NXPH2: variants seen among roughly 807,000 people sequenced by gnomAD.
NXPH2 encodes the protein neurexophilin-2.
In NXPH2, 5 loss-of-function variants were observed where a neutral mutation model predicts 19.8. The observed-to-expected ratio is 0.25, with a 90% confidence interval of 0.13 to 0.53. The LOEUF is 0.53. Ranked by LOEUF, NXPH2 falls within the 20% of genes least tolerant of loss-of-function variation. NXPH2 has a pLI of 0.96. For missense variants in NXPH2, 289 were observed against 322.8 expected, an observed-to-expected ratio of 0.90 and a Z score of 0.80; for synonymous variants, 154 against 127.4, an observed-to-expected ratio of 1.21 and a Z score of -1.41.
intron 1 of NXPH2, among the ~76,000 whole-genome samples, chr2:138,700,297 A>T (rs1183634702): frequency 6.6e-6 from 1 of 152,200 alleles, no homozygotes; most frequent in Non-Finnish European, 1.5e-5. Flanking sequence ...CCTTTAGGAA[A>T]ATACATATTT....
chr2:138,713,422 G>A (rs530418683), intron 1 of NXPH2, among the ~76,000 whole-genome samples: 2 of 152,214 alleles, frequency 1.3e-5, no homozygotes, highest in Non-Finnish European at 2.9e-5. Flanking sequence ...TAAAAGCCCA[G>A]TGTACTTCAC....
At chr2:138,698,143 A>G (rs1485402186) in intron 1 of NXPH2, among the ~76,000 whole-genome samples, 1 of 152,174 alleles carries the variant, frequency 6.6e-6, no homozygotes, top group Non-Finnish European at 1.5e-5. Context: ...ATACTTTGAT[A>G]AACTGCAAAC....
At chr2:138,693,971 A>G (rs1405381561) in intron 1 of NXPH2, among the ~76,000 whole-genome samples, 1 of 152,204 alleles carries the variant, frequency 6.6e-6, no homozygotes, top group Admixed American at 6.5e-5. Flanking sequence ...TGCAAACATG[A>G]GTAAAACTTG....
rs375136538 is a variant in NXPH2, at chr2:138,671,626, C to T, written c.91G>A (p.Gly31Arg). Residue 31 changes from glycine (G) to arginine (R), a missense_variant, in exon 2 of 2, where the codon GGG becomes AGG. Physicochemically the swap from Gly to Arg is moderately radical, Grantham distance 125. Coordinates refer to ENST00000272641, the MANE Select transcript of NXPH2 (RefSeq NM_007226.3). ...GCATCTTTGTCTTCCCAATCCAGCC[C>T]CTCCGTGGCATGCACCACTTCCTTA... ...DSKEVVHATE[G>R]LDWEDKDAPG... 1 of 1,595,856 alleles carries T rather than the reference C, an allele frequency of 6.3e-7. No individual in the cohort carries two copies. The highest frequency in any genetic ancestry group is 8.5e-7 in the Non-Finnish European group (1 of 1,172,180).
At chr2:138,679,862 T>C (rs1414626808) in intron 1 of NXPH2, among the ~76,000 whole-genome samples, 1 of 152,208 alleles carries the variant, frequency 6.6e-6, no homozygotes, top group African/African-American at 2.4e-5. Flanking sequence ...TGATTTTGCC[T>C]ATACCTGCAA....
chr2:138,727,112 T>C (rs927776223), intron 1 of NXPH2, among the ~76,000 whole-genome samples: 4 of 152,182 alleles, frequency 2.6e-5, no homozygotes, highest in Non-Finnish European at 5.9e-5. Context: ...AACTTGATGG[T>C]TCATTTTTTT....
chr2:138,707,094 C>CAAAAA (rs70982073), intron 1 of NXPH2, among the ~76,000 whole-genome samples: 433 of 34,836 alleles, frequency 0.012, 30 homozygotes, highest in African/African-American at 0.025. Flanking sequence ...TGCCCCATGA[C>CAAAAA]AAAAAAAAAA....
chr2:138,736,476 T>G (rs1015658485), intron 1 of NXPH2, among the ~76,000 whole-genome samples: 50 of 152,324 alleles, frequency 3.3e-4, no homozygotes, highest in Admixed American at 7.8e-4. Context: ...GCAGTTAGAA[T>G]GCAGGGCACC....
chr2:138,753,630 C>A (rs1046009960), intron 1 of NXPH2, among the ~76,000 whole-genome samples: 5 of 151,976 alleles, frequency 3.3e-5, no homozygotes, highest in Admixed American at 6.6e-5. Flanking sequence ...TTATGTGCAA[C>A]CATGTGTATC....
At chr2:138,684,803 A>G (rs921682104) in intron 1 of NXPH2, among the ~76,000 whole-genome samples, 8 of 152,160 alleles carry the variant, frequency 5.3e-5, no homozygotes, top group Admixed American at 3.9e-4. Flanking sequence ...ACATCCATGG[A>G]TCTGCCCTCA....
intron 1 of NXPH2, among the ~76,000 whole-genome samples, chr2:138,711,842 A>G (rs1681110305): frequency 6.6e-6 from 1 of 152,124 alleles, no homozygotes; most frequent in Admixed American, 6.5e-5. Flanking sequence ...CGTTTTGTTT[A>G]AGGATAGTGT....
intron 1 of NXPH2, among the ~76,000 whole-genome samples, chr2:138,678,372 A>G (rs1239110016): frequency 6.6e-6 from 1 of 152,220 alleles, no homozygotes; most frequent in Non-Finnish European, 1.5e-5. Context: ...TGGCTGAGGT[A>G]GAGCAAATGT....
At chr2:138,727,343 C>T (rs1481648945) in intron 1 of NXPH2, among the ~76,000 whole-genome samples, 2 of 152,128 alleles carry the variant, frequency 1.3e-5, no homozygotes, top group African/African-American at 4.8e-5. Context: ...TTTTGCATTC[C>T]CCCAGCAACG....
chr2:138,756,683 A>C (rs973743601), intron 1 of NXPH2, among the ~76,000 whole-genome samples: 1 of 152,164 alleles, frequency 6.6e-6, no homozygotes, highest in Non-Finnish European at 1.5e-5. Flanking sequence ...ACAAAAGAAC[A>C]CTGATATAAT....
intron 1 of NXPH2, among the ~76,000 whole-genome samples, chr2:138,698,546 G>A (rs1680864754): frequency 6.6e-6 from 1 of 152,126 alleles, no homozygotes; most frequent in Non-Finnish European, 1.5e-5. Flanking sequence ...ACAGATTCAG[G>A]TAACTTGCTA....
intron 1 of NXPH2, among the ~76,000 whole-genome samples, chr2:138,743,839 T>C (rs1573974648): frequency 6.6e-6 from 1 of 151,740 alleles, no homozygotes; most frequent in African/African-American, 2.4e-5. Flanking sequence ...CCCATCTCTA[T>C]TAAAAGTACA....
intron 1 of NXPH2, among the ~76,000 whole-genome samples, chr2:138,683,995 T>G (rs1278392252): frequency 5.3e-5 from 8 of 152,202 alleles, no homozygotes; most frequent in African/African-American, 1.9e-4. Context: ...CTATAAAATA[T>G]CTATCAACTG....
At chr2:138,766,433 G>T (rs1040482437) in intron 1 of NXPH2, among the ~76,000 whole-genome samples, 1 of 152,158 alleles carries the variant, frequency 6.6e-6, no homozygotes, top group Non-Finnish European at 1.5e-5. Context: ...AATGTCTGGA[G>T]ACTTTTTTTG....
chr2:138,741,353 C>T (rs765234947), intron 1 of NXPH2, among the ~76,000 whole-genome samples: 33 of 152,314 alleles, frequency 2.2e-4, no homozygotes, highest in Admixed American at 1.0e-3. Flanking sequence ...CACTTAGACA[C>T]GAGGAGCTCA....
Sources: gnomAD v4.1 joint callset for allele counts (sites outside exome capture counted in the v4.1 genomes callset) on GRCh38, gnomAD v4.1.1 for gene constraint, MANE v1.5 for transcripts, NCBI Gene and HGNC (gene_info 2026-07-23, HGNC 2026-07-21) for gene names.